MAPK10: variants seen among roughly 807,000 people sequenced by gnomAD.
MAPK10 encodes mitogen-activated protein kinase 10.
In MAPK10, 25 loss-of-function variants were observed where a neutral mutation model predicts 59.3. The ratio of observed to expected loss-of-function variants is 0.42; its 90% confidence interval spans 0.31 to 0.59. The LOEUF (loss-of-function observed/expected upper bound fraction) is 0.59, where lower values mean the gene tolerates loss of function less well. Among genes scored for constraint, MAPK10 ranks in the 20% least tolerant of loss-of-function variants. The pLI is 0.15. For synonymous variants in MAPK10, 190 were observed against 200.5 expected (o/e 0.95, Z 0.44); for missense variants, 351 against 568.9 (o/e 0.62, Z 3.90).
At chr4:86,051,067 A>G (rs2043423256) in intron 11 of MAPK10, among the ~76,000 whole-genome samples, 1 of 152,156 alleles carries the variant, frequency 6.6e-6, no homozygotes, top group Non-Finnish European at 1.5e-5. Context: ...GATTGAACTC[A>G]TGTTGTTTTA....
chr4:86,081,901 C>A (rs773594541), intron 9 of MAPK10: 1 of 151,186 alleles, frequency 6.6e-6, no homozygotes, highest in African/African-American at 2.4e-5. Flanking sequence ...CAGTAAAATC[C>A]GTATATATTC....
rs1194632447 is a variant in MAPK10, at chr4:86,255,977, GA to G, written c.-6-61571del. On this transcript the variant is annotated intron_variant, in intron 2 of 13. Coordinates refer to ENST00000641462, the MANE Select transcript of MAPK10 (RefSeq NM_138982.4). Reference sequence around the variant, plus strand: ...TATTCAATTAAAAAATGGAAGAAGGGAAAAAAAGAATAGAGAAAACAAATGG... The same window carrying G: ...TATTCAATTAAAAAATGGAAGAAGGGAAAAAAGAATAGAGAAAACAAATGG... Among the ~76,000 whole-genome samples the G allele has an allele frequency of 2.0e-5, 3 of 152,074 alleles. No homozygotes were observed. In the East Asian group the frequency reaches 5.8e-4, roughly 29 times the overall value.
chr4:86,576,535 G>A (rs1331230956), intron 1 of MAPK10, among the ~76,000 whole-genome samples: 2 of 152,120 alleles, frequency 1.3e-5, no homozygotes, highest in African/African-American at 2.4e-5. Context: ...AGCACTTTGG[G>A]AGGCCGAGAC....
At chr4:86,135,561 A>G (rs1169995916) in intron 4 of MAPK10, among the ~76,000 whole-genome samples, 1 of 152,202 alleles carries the variant, frequency 6.6e-6, no homozygotes, top group Non-Finnish European at 1.5e-5. Context: ...AAAGACCAAA[A>G]GTAGATAAAA....
At chr4:86,038,800 A>G (rs1009585763) in intron 11 of MAPK10, among the ~76,000 whole-genome samples, 1 of 152,220 alleles carries the variant, frequency 6.6e-6, no homozygotes, top group Non-Finnish European at 1.5e-5. Flanking sequence ...AGTCTTACCA[A>G]CAATCGCCAA....
intron 3 of MAPK10, among the ~76,000 whole-genome samples, chr4:86,164,051 T>C (rs144851470): frequency 9.2e-5 from 14 of 152,246 alleles, no homozygotes; most frequent in Non-Finnish European, 1.3e-4. Context: ...ATGTTTCTGA[T>C]AGTCAGTTCC....
At chr4:86,070,481 G>A (rs1219436982) in intron 9 of MAPK10, among the ~76,000 whole-genome samples, 9 of 150,126 alleles carry the variant, frequency 6.0e-5, no homozygotes, top group African/African-American at 1.7e-4. Context: ...ATGCTGGTGC[G>A]CTGCACCCAC....
intron 9 of MAPK10, among the ~76,000 whole-genome samples, chr4:86,077,821 T>A (rs1332084309): frequency 1.3e-5 from 2 of 152,182 alleles, no homozygotes; most frequent in Admixed American, 6.5e-5. Context: ...CAGGAGAGGC[T>A]TTTATCATGC....
chr4:86,105,811 T>A (rs1356271598), intron 5 of MAPK10, among the ~76,000 whole-genome samples: 1 of 152,138 alleles, frequency 6.6e-6, no homozygotes, highest in Non-Finnish European at 1.5e-5. Flanking sequence ...TAGATATGAG[T>A]GTGCAGTTCA....
rs556873184 is a variant in MAPK10 at position 86,391,868 on chromosome 4, T to A, written c.-121-37224A>T. ...AGCCCTTTCACATTCTCAGGCCAAT[T>A]GCTTCAAGTAAAATTATCTCTACCT... On this transcript the variant is annotated intron_variant, in intron 1 of 13. Coordinates refer to the MAPK10 transcript ENST00000361569. 6.6e-5 allele frequency among the ~76,000 whole-genome samples: 10 copies of A among 152,298 alleles called. No homozygotes were observed. In the South Asian group the frequency reaches 2.1e-3, roughly 32 times the overall value.
Position 86,359,624 on chromosome 4 carries a change from G to C in MAPK10, c.-122+34C>G, listed in dbSNP as rs181285345. The C allele has an allele frequency of 5.3e-4, 513 of 962,104 alleles. 5 individuals are homozygous for C. In the African/African-American group the frequency reaches 8.7e-3, roughly 16 times the overall value. The allele number at this position is 962,104 out of a possible 1,614,324, so 59.6% of individuals were successfully genotyped here. A position where few individuals can be genotyped will look rare whatever the true frequency, so the allele number is the denominator to read the frequency against. Reference sequence around the variant, plus strand: ...GACATCACCCCACCCTCCAAAAACAGGTTAGAACCCAGAACGAGCAAAGAG... The same window carrying C: ...GACATCACCCCACCCTCCAAAAACACGTTAGAACCCAGAACGAGCAAAGAG... On this transcript the variant is annotated intron_variant, in intron 1 of 13. Coordinates refer to ENST00000641462, the MANE Select transcript of MAPK10 (RefSeq NM_138982.4).
chr4:86,151,930 C>G (rs2066579408), intron 4 of MAPK10: 2 of 152,190 alleles, frequency 1.3e-5, no homozygotes, highest in Non-Finnish European at 2.9e-5. Flanking sequence ...GCTAGTTAAA[C>G]TGAGTTTCTG....
At chr4:86,155,867 A>C (rs940628278) in intron 4 of MAPK10, among the ~76,000 whole-genome samples, 2 of 152,022 alleles carry the variant, frequency 1.3e-5, no homozygotes, top group Non-Finnish European at 1.5e-5. Flanking sequence ...AAAATAAGAA[A>C]AATTTGAACA....
chr4:86,059,909 G>T (rs2045397990), intron 11 of MAPK10, among the ~76,000 whole-genome samples: 1 of 151,972 alleles, frequency 6.6e-6, no homozygotes, highest in African/African-American at 2.4e-5. Context: ...CTGTCCTCTG[G>T]GTTCTCAAGT....
intron 2 of MAPK10, among the ~76,000 whole-genome samples, chr4:86,317,352 T>G (rs1036029600): frequency 6.6e-6 from 1 of 152,130 alleles, no homozygotes; most frequent in African/African-American, 2.4e-5. Context: ...CCCTAGAAGA[T>G]GCCCATTACT....
intron 1 of MAPK10, among the ~76,000 whole-genome samples, chr4:86,526,244 C>T (rs1326418131): frequency 2.0e-5 from 3 of 152,108 alleles, no homozygotes; most frequent in Non-Finnish European, 4.4e-5. Context: ...AATTTTGGAA[C>T]TTGATATTGG....
intron 2 of MAPK10, among the ~76,000 whole-genome samples, chr4:86,235,811 T>C (rs1013984627): frequency 4.6e-5 from 7 of 152,288 alleles, no homozygotes; most frequent in African/African-American, 1.7e-4. Context: ...TTCAAAAAAT[T>C]AACACATTTG....
At chr4:86,476,660 C>T (rs968732130) in intron 1 of MAPK10, among the ~76,000 whole-genome samples, 2 of 152,174 alleles carry the variant, frequency 1.3e-5, no homozygotes, top group Non-Finnish European at 2.9e-5. Context: ...TCAAACCCCA[C>T]AACAGGACTT....
chr4:86,211,479 C>T (rs1311153312), intron 2 of MAPK10, among the ~76,000 whole-genome samples: 1 of 151,928 alleles, frequency 6.6e-6, no homozygotes, highest in Non-Finnish European at 1.5e-5. Flanking sequence ...TAATGTTTAA[C>T]AAAACTGTTT....
Sources: gnomAD v4.1 joint callset for allele counts (sites outside exome capture counted in the v4.1 genomes callset) on GRCh38, gnomAD v4.1.1 for gene constraint, MANE v1.5 for transcripts, NCBI Gene and HGNC (gene_info 2026-07-23, HGNC 2026-07-21) for gene names.